Variants in MCPH1 observed in about 807,000 individuals in gnomAD.
MCPH1 encodes the protein microcephalin.
Under a neutral mutation model 84.5 loss-of-function variants are expected in MCPH1, and 104 were observed. That is an observed-to-expected ratio of 1.23 (90% confidence interval 1.05 to 1.45). The LOEUF (loss-of-function observed/expected upper bound fraction) is 1.45. Ranked by LOEUF, MCPH1 falls within the 40% of genes most tolerant of loss-of-function variation. The pLI is 0.00. For synonymous variants in MCPH1, 514 were observed against 366.8 expected (o/e 1.40, Z -4.58); for missense variants, 1,498 against 1,005.7 (o/e 1.49, Z -6.62).
intron 13 of MCPH1, among the ~76,000 whole-genome samples, chr8:6,624,050 T>G (rs1831792977): frequency 6.6e-6 from 1 of 152,242 alleles, no homozygotes; most frequent in African/African-American, 2.4e-5. Context: ...AGCCCCTTCC[T>G]GTGGGTCCTG....
chr8:6,458,070 G>C (rs1488189222), intron 9 of MCPH1, among the ~76,000 whole-genome samples: 1 of 152,120 alleles, frequency 6.6e-6, no homozygotes, highest in Non-Finnish European at 1.5e-5. Context: ...GGGACTTTTA[G>C]AATTTAAACA....
chr8:6,474,096 A>T, intron 9 of MCPH1: 1 of 773,880 alleles, frequency 1.3e-6, no homozygotes, highest in Non-Finnish European at 2.4e-6. Flanking sequence ...ACTATGTGAA[A>T]CCAGCGTTCA....
chr8:6,430,441 A>C (rs1585710228), intron 3 of MCPH1, among the ~76,000 whole-genome samples: 2 of 152,332 alleles, frequency 1.3e-5, no homozygotes, highest in Admixed American at 1.3e-4. Context: ...TTGACTTTAC[A>C]CACCCTCAGA....
At chr8:6,408,469 G>A (rs946537652) in intron 1 of MCPH1, among the ~76,000 whole-genome samples, 3 of 151,834 alleles carry the variant, frequency 2.0e-5, no homozygotes, top group African/African-American at 7.3e-5. Flanking sequence ...CAATCCTCCC[G>A]CCTCCACCTT....
At chr8:6,632,016 A>T (rs1388140947) in intron 13 of MCPH1, among the ~76,000 whole-genome samples, 1 of 152,236 alleles carries the variant, frequency 6.6e-6, no homozygotes, top group Non-Finnish European at 1.5e-5. Context: ...AAGGAAGGAG[A>T]TTCTGATACA....
At chr8:6,413,828 C>T (rs1798874423) in intron 2 of MCPH1, among the ~76,000 whole-genome samples, 1 of 151,270 alleles carries the variant, frequency 6.6e-6, no homozygotes, top group African/African-American at 2.4e-5. Context: ...AATCTTGGCT[C>T]ACTGTAACCG....
intron 13 of MCPH1, among the ~76,000 whole-genome samples, chr8:6,627,747 C>T (rs112138594): frequency 3.3e-5 from 5 of 151,996 alleles, no homozygotes; most frequent in Non-Finnish European, 5.9e-5. Context: ...CAATAATTAG[C>T]GGGCATGGTG....
intron 9 of MCPH1, among the ~76,000 whole-genome samples, chr8:6,471,212 G>T (rs571290581): frequency 1.3e-5 from 2 of 152,206 alleles, no homozygotes; most frequent in African/African-American, 4.8e-5. Context: ...CTTTGTAAGC[G>T]TTGGCGCCAT....
At chr8:6,437,307 T>G (rs1354915699) in intron 5 of MCPH1, among the ~76,000 whole-genome samples, 1 of 152,118 alleles carries the variant, frequency 6.6e-6, no homozygotes, top group Non-Finnish European at 1.5e-5. Context: ...CTTGGCTCAC[T>G]ACAACCTCCA....
intron 10 of MCPH1, among the ~76,000 whole-genome samples, chr8:6,480,166 C>G (rs1192925320): frequency 6.6e-6 from 1 of 151,124 alleles, no homozygotes; most frequent in African/African-American, 2.4e-5. Context: ...CCCTGTCGCC[C>G]AGGCTGGAGT....
At chr8:6,406,877 C>T (rs1797781636) in intron 1 of MCPH1, among the ~76,000 whole-genome samples, 188 bp downstream of exon 1, 1 of 8,078 alleles carries the variant, frequency 1.2e-4, no homozygotes, top group African/African-American at 2.7e-4. Flanking sequence ...CCTGCTCCTG[C>T]TCTCTCCCCC....
In MCPH1 at chr8:6,492,794, A is replaced by T. The variant is rs562519503; in HGVS notation, c.2137-7058A>T. On this transcript the variant is annotated intron_variant, in intron 11 of 13. Coordinates refer to ENST00000344683, the MANE Select transcript of MCPH1 (RefSeq NM_024596.5). ...ATAATCTTTCATTATTGAATTATTG[A>T]TTGAGTTAAGTAATTAATTGATTAA... is the stretch of plus-strand genomic sequence containing the variant. Among the ~76,000 whole-genome samples, 82 of 150,984 alleles carry T rather than the reference A, an allele frequency of 5.4e-4. No individual in the cohort carries two copies. In the South Asian group the frequency reaches 0.016, roughly 29 times the overall value.
At chr8:6,462,848 A>G (rs916995379) in intron 9 of MCPH1, among the ~76,000 whole-genome samples, 2 of 152,082 alleles carry the variant, frequency 1.3e-5, no homozygotes, top group Admixed American at 6.5e-5. Flanking sequence ...AATGTTAGCT[A>G]TTTTCTTCAG....
intron 9 of MCPH1, among the ~76,000 whole-genome samples, chr8:6,461,978 A>G (rs1806346595): frequency 6.6e-6 from 1 of 152,206 alleles, no homozygotes; most frequent in Admixed American, 6.5e-5. Flanking sequence ...AGTTATCAAC[A>G]GGATAGCTTT....
intron 12 of MCPH1, among the ~76,000 whole-genome samples, chr8:6,555,256 A>G (rs1028114036): frequency 3.9e-5 from 6 of 152,128 alleles, no homozygotes; most frequent in African/African-American, 1.2e-4. Flanking sequence ...CCGTTTTCAA[A>G]CTCTAATAGT....
intron 3 of MCPH1, among the ~76,000 whole-genome samples, chr8:6,420,962 AC>A (rs1183333473): frequency 6.6e-6 from 1 of 152,170 alleles, no homozygotes; most frequent in Admixed American, 6.5e-5. Context: ...AGGAAAGTAC[AC>A]TGGGAAGAGT....
chr8:6,456,292 G>T (rs1274293238), intron 9 of MCPH1, among the ~76,000 whole-genome samples: 6 of 152,170 alleles, frequency 3.9e-5, no homozygotes, highest in Non-Finnish European at 8.8e-5. Flanking sequence ...CTCTACAATG[G>T]CGTTGCGCAC....
At chr8:6,414,729 G>A (rs781160934) in intron 2 of MCPH1, 36 bp from the exon 3 acceptor site, 8 of 1,608,952 alleles carry the variant, frequency 5.0e-6, no homozygotes, top group Non-Finnish European at 6.8e-6. Context: ...TGAATGAACA[G>A]TAATGTACAT....
rs896077970 is a variant in MCPH1 at position 6,409,309 on chromosome 8, C to G, written c.53C>G (p.Ser18Cys). 4 of 1,613,790 alleles carry G rather than the reference C, an allele frequency of 2.5e-6. No individual in the cohort carries two copies. The highest frequency in any genetic ancestry group is 1.3e-5 in the African/African-American group (1 of 74,864). ...DVVAYVEVWS[S>C]NGTENYSKTF... is the part of the protein sequence containing the mutation. ...GTGGCCTATGTTGAAGTGTGGTCATCCAATGGAACAGAAAATTATTCAAAG... is the reference window on the plus strand; with the variant it reads ...GTGGCCTATGTTGAAGTGTGGTCATGCAATGGAACAGAAAATTATTCAAAG... Residue 18 changes from serine (S) to cysteine (C), a missense_variant, in exon 2 of 14, where the codon TCC becomes TGC. Transcript: ENST00000344683.
Sources: allele counts gnomAD v4.1 joint callset (sites outside exome capture counted in the v4.1 genomes callset), GRCh38; gene constraint gnomAD v4.1.1; transcripts MANE v1.5; gene names NCBI Gene and HGNC (gene_info 2026-07-23, HGNC 2026-07-21).